The following POLN variants were observed in gnomAD, a reference collection of about 807,000 sequenced individuals.
POLN encodes DNA polymerase N.
Under a neutral mutation model 113.5 loss-of-function variants are expected in POLN, and 108 were observed. The observed-to-expected ratio is 0.95, with a 90% CI of 0.81 to 1.12. POLN has a LOEUF of 1.12. POLN is among the 50% of genes most tolerant of loss of function. The pLI is 0.00. For missense variants in POLN, 1,097 were observed against 1,077.1 expected (o/e 1.02, Z -0.26); for synonymous variants, 386 against 391.5 (o/e 0.99, Z 0.17).
chr4:2,109,278 G>C (rs1286743392), intron 19 of POLN, among the ~76,000 whole-genome samples: 2 of 152,168 alleles, frequency 1.3e-5, no homozygotes, highest in African/African-American at 4.8e-5. Flanking sequence ...ACTTTCTTAA[G>C]GAAGCACCAC....
chr4:2,194,652 T>A (rs1389902427), intron 6 of POLN, among the ~76,000 whole-genome samples: 1 of 152,168 alleles, frequency 6.6e-6, no homozygotes, highest in Non-Finnish European at 1.5e-5. Context: ...ATCTACCAAC[T>A]ACACTATCTT....
chr4:2,072,127 G>A lies in POLN; in HGVS notation c.2690C>T (p.Ser897Leu). Residue 897 changes from serine (S) to leucine (L), a missense_variant, in exon 26 of 26, where the codon TCA becomes TTA. By Grantham distance (145) the Ser-to-Leu change is moderately radical. Coordinates refer to ENST00000511885, the MANE Select transcript of POLN (RefSeq NM_181808.4). ...TGTTGCCTGGGGCTACAGACAAAAT[G>A]AAGGCGAAAAATGCAGGGGTGGGGG... ...TQPPPLHFSP[S>L]FCL 1 of 1,607,384 alleles carries A rather than the reference G, an allele frequency of 6.2e-7. No homozygotes were observed. The highest frequency in any genetic ancestry group is 1.1e-5 in the South Asian group (1 of 90,936).
intron 8 of POLN, among the ~76,000 whole-genome samples, chr4:2,178,171 T>C (rs1733040955): frequency 6.6e-6 from 1 of 152,126 alleles, no homozygotes; most frequent in Non-Finnish European, 1.5e-5. Context: ...CGGGCTCATA[T>C]CACCTCTTAC....
chr4:2,159,031 C>G (rs1732510946), intron 14 of POLN, 124 bp downstream of exon 14: 1 of 769,510 alleles, frequency 1.3e-6, no homozygotes. Context: ...CCTGACAAAA[C>G]TCTATTCCCC....
At chr4:2,147,330 A>G (rs946396320) in intron 16 of POLN, among the ~76,000 whole-genome samples, 1 of 152,226 alleles carries the variant, frequency 6.6e-6, no homozygotes, top group Non-Finnish European at 1.5e-5. Flanking sequence ...CTGGCAGTGC[A>G]ATGAGAAAAA....
chr4:2,186,217 G>C (rs1296778856), intron 7 of POLN, among the ~76,000 whole-genome samples: 2 of 152,084 alleles, frequency 1.3e-5, no homozygotes, highest in East Asian at 3.8e-4. Flanking sequence ...CATCATCTTG[G>C]GCCCCCTGGC....
chr4:2,149,810 G>A lies in POLN; in HGVS notation c.1731+6978C>T, dbSNP rs748739110. ...TAAAAAGAGAGAGAGAGGGCCGGGC[G>A]CGTTGACTCACACCTGTAATCCTAG... On this transcript the variant is annotated intron_variant, in intron 16 of 25. Coordinates refer to ENST00000511885, the MANE Select transcript of POLN (RefSeq NM_181808.4). Among the ~76,000 whole-genome samples, 138 of 151,652 alleles carry A rather than the reference G, an allele frequency of 9.1e-4. 2 individuals carry two copies. The highest frequency in any genetic ancestry group is 2.0e-4 in the Admixed American group (3 of 15,216).
chr4:2,136,832 C>T (rs1731869729), intron 16 of POLN, among the ~76,000 whole-genome samples: 1 of 152,216 alleles, frequency 6.6e-6, no homozygotes, highest in African/African-American at 2.4e-5. Context: ...TGATGGCAGC[C>T]CTGCTTTTAA....
chr4:2,227,429 G>A (rs951397878), intron 3 of POLN: 7 of 152,214 alleles, frequency 4.6e-5, no homozygotes, highest in African/African-American at 1.7e-4. Flanking sequence ...GTCAGGTCCA[G>A]GCTCCTGACG....
At chr4:2,113,475 T>A (rs1731246195) in intron 19 of POLN, among the ~76,000 whole-genome samples, 1 of 152,050 alleles carries the variant, frequency 6.6e-6, no homozygotes, top group Non-Finnish European at 1.5e-5. Flanking sequence ...AGGGACAGCG[T>A]AAGTACTTTA....
intron 6 of POLN, among the ~76,000 whole-genome samples, chr4:2,194,574 G>C (rs759741825): frequency 2.0e-4 from 30 of 152,060 alleles, no homozygotes; most frequent in Non-Finnish European, 3.4e-4. Context: ...AGAAGAACTG[G>C]GGCCATGGAG....
intron 5 of POLN, among the ~76,000 whole-genome samples, chr4:2,200,318 G>A (rs183838605): frequency 6.6e-6 from 1 of 152,338 alleles, no homozygotes; most frequent in East Asian, 1.9e-4. Context: ...TGGCAGATGG[G>A]AGGCAGGACT....
rs151061760 is a variant in POLN, at chr4:2,175,143, G to A, written c.1249-392C>T. On this transcript the variant is annotated intron_variant, in intron 9 of 25. Coordinates refer to ENST00000511885, the MANE Select transcript of POLN (RefSeq NM_181808.4). ...CCAACCAAAAAGCCTAAATTTTGTC[G>A]AGCTAGAATTAAGGTGACCCCTATC... Among the ~76,000 whole-genome samples, 848 of 152,156 alleles carry A rather than the reference G, an allele frequency of 5.6e-3. 8 individuals are homozygous for A. Among genetic ancestry groups the A allele is most frequent in the African/African-American group, 0.019 (774 of 41,494 alleles).
At chr4:2,116,853 A>G (rs1397602323) in intron 19 of POLN, among the ~76,000 whole-genome samples, 1 of 152,230 alleles carries the variant, frequency 6.6e-6, no homozygotes, top group Non-Finnish European at 1.5e-5. Context: ...TAGAGGGCAC[A>G]TATTCTCTGC....
At chr4:2,073,857 C>A (rs905942492) in intron 24 of POLN, among the ~76,000 whole-genome samples, 1 of 152,222 alleles carries the variant, frequency 6.6e-6, no homozygotes, top group African/African-American at 2.4e-5. Context: ...GCAGGGCCAG[C>A]GGCCACCCAA....
At chr4:2,081,894 G>T in intron 21 of POLN, 151 bp from the exon 22 acceptor site, 1 of 621,386 alleles carries the variant, frequency 1.6e-6, no homozygotes, top group Non-Finnish European at 2.9e-6. Flanking sequence ...TCTATCATGG[G>T]GGCAAGTGGG....
intron 5 of POLN, among the ~76,000 whole-genome samples, chr4:2,206,709 C>T (rs2108763324): frequency 6.6e-6 from 1 of 152,350 alleles, no homozygotes; most frequent in South Asian, 2.1e-4. Flanking sequence ...TACCATCTTA[C>T]TCCTGCAAGA....
chr4:2,093,245 C>T lies in POLN; in HGVS notation c.2065+2606G>A, dbSNP rs1730707979. Among the ~76,000 whole-genome samples the T allele has an allele frequency of 6.6e-6, 1 of 152,220 alleles. No homozygotes were observed. The highest frequency in any genetic ancestry group is 1.5e-5 in the Non-Finnish European group (1 of 68,030). On this transcript the variant is annotated intron_variant, in intron 20 of 25. Transcript: ENST00000511885. This position sits in a 1 kb window ranked among gnomAD's most constrained non-coding sequence, Gnocchi z 4.1. ...CACTCTCATTCTCCATCCCTCCCTCCTAGCTGGATTTGGGGTGGCTGCCCC... is the reference window on the plus strand; with the variant it reads ...CACTCTCATTCTCCATCCCTCCCTCTTAGCTGGATTTGGGGTGGCTGCCCC...
chr4:2,133,148 C>CAAA (rs3045447), intron 16 of POLN, among the ~76,000 whole-genome samples: 45,080 of 140,500 alleles, frequency 0.32, 8,086 homozygotes, highest in East Asian at 0.56. Flanking sequence ...TAAAAAATGG[C>CAAA]AAAAAAAAAA....
Sources: gnomAD v4.1 joint callset for allele counts (sites outside exome capture counted in the v4.1 genomes callset) on GRCh38, gnomAD v4.1.1 for gene constraint, Gnocchi (gnomAD v3.1) non-coding constraint, MANE v1.5 for transcripts, NCBI Gene and HGNC (gene_info 2026-07-23, HGNC 2026-07-21) for gene names.